HIVEP3: variants seen among roughly 807,000 people sequenced by gnomAD.
The protein encoded by HIVEP3 is transcription factor HIVEP3.
A neutral mutation model predicts 152.8 loss-of-function variants in HIVEP3; 49 were observed. The observed-to-expected ratio is 0.32, with a 90% CI of 0.26 to 0.41. The LOEUF is 0.41. HIVEP3 is among the 10% of genes least tolerant of loss of function. The pLI is 1.00. For missense variants in HIVEP3, 2,790 were observed against 3,103.3 expected (o/e 0.90, Z 2.40); for synonymous variants, 1,269 against 1,289.0 (o/e 0.98, Z 0.33).
chr1:41,916,604 T>C (rs879561909), intron 1 of HIVEP3, among the ~76,000 whole-genome samples: 13 of 152,154 alleles, frequency 8.5e-5, no homozygotes, highest in Non-Finnish European at 1.9e-4. Flanking sequence ...CCACAATCTT[T>C]AAATGCAACT....
chr1:41,901,793 A>G (rs892553347), intron 1 of HIVEP3, among the ~76,000 whole-genome samples: 2 of 152,128 alleles, frequency 1.3e-5, no homozygotes, highest in African/African-American at 4.8e-5. Context: ...CTCACACCCC[A>G]CTTGCTTAGC....
intron 1 of HIVEP3, among the ~76,000 whole-genome samples, chr1:41,867,955 G>C (rs944212433): frequency 7.5e-6 from 1 of 132,796 alleles, no homozygotes. Context: ...AGCTCCCAGA[G>C]GCTTTCCATC....
At chr1:41,515,583 C>G (rs907125691) in intron 7 of HIVEP3, among the ~76,000 whole-genome samples, 1 of 152,188 alleles carries the variant, frequency 6.6e-6, no homozygotes, top group Non-Finnish European at 1.5e-5. Context: ...GCACAGATGA[C>G]CCAGTGAGAG....
chr1:41,693,712 C>T (rs1050977310), intron 2 of HIVEP3, among the ~76,000 whole-genome samples: 14 of 152,192 alleles, frequency 9.2e-5, no homozygotes, highest in Admixed American at 8.5e-4. Context: ...AGGAGGCATT[C>T]GTCATTCCGG....
At chr1:41,999,488 A>G (rs1645414789) in intron 1 of HIVEP3, among the ~76,000 whole-genome samples, 1 of 152,160 alleles carries the variant, frequency 6.6e-6, no homozygotes, top group Non-Finnish European at 1.5e-5. Context: ...GCTCACATCA[A>G]TGGGCATTCA....
Position 41,507,952 on chromosome 1 carries a change from A to G in HIVEP3, c.*2499T>C, listed in dbSNP as rs555300584. 2 of 151,498 alleles carry G rather than the reference A, an allele frequency of 1.3e-5. No homozygotes were observed. Among genetic ancestry groups the G allele is most frequent in the Non-Finnish European group, 2.9e-5 (2 of 67,898 alleles). The allele number at this position is 151,498 out of a possible 1,614,324, so 9.4% of individuals were successfully genotyped here. On this transcript the variant is annotated 3_prime_UTR_variant, in exon 9 of 9. Transcript: ENST00000372583. ...CATCATTTAGAAATAGTCTCCAGTG[A>G]CTCCTGGCCCCTGTGGCTTCTCTGC...
intron 1 of HIVEP3, among the ~76,000 whole-genome samples, chr1:41,837,617 C>G (rs539373874): frequency 1.2e-4 from 19 of 152,346 alleles, no homozygotes; most frequent in African/African-American, 4.6e-4. Context: ...AGAGCCACCA[C>G]GCCCGGCCTG....
At chr1:41,818,950 G>A (rs1435295050) in intron 1 of HIVEP3, among the ~76,000 whole-genome samples, 5 of 152,166 alleles carry the variant, frequency 3.3e-5, no homozygotes, top group Non-Finnish European at 7.3e-5. Flanking sequence ...CAGAGTGAAT[G>A]AATCCTTGTC....
At chr1:41,785,763 A>C (rs1385294805) in intron 1 of HIVEP3, among the ~76,000 whole-genome samples, 1 of 152,162 alleles carries the variant, frequency 6.6e-6, no homozygotes, top group African/African-American at 2.4e-5. Context: ...TTGGGAGACC[A>C]AGGTGGGTGG....
At chr1:41,844,660 A>T (rs1429040585) in intron 1 of HIVEP3, among the ~76,000 whole-genome samples, 1 of 152,224 alleles carries the variant, frequency 6.6e-6, no homozygotes, top group Non-Finnish European at 1.5e-5. Flanking sequence ...ACAAGTGCCA[A>T]GGTTGGTGTA....
chr1:41,996,265 G>A (rs1645395333), intron 1 of HIVEP3, among the ~76,000 whole-genome samples: 1 of 151,964 alleles, frequency 6.6e-6, no homozygotes, highest in South Asian at 2.1e-4. Context: ...GGTGTATGCT[G>A]TAGTCCTAGC....
intron 1 of HIVEP3, among the ~76,000 whole-genome samples, chr1:41,854,098 A>G (rs947826763): frequency 6.6e-6 from 1 of 152,126 alleles, no homozygotes; most frequent in African/African-American, 2.4e-5. Flanking sequence ...GGATGGAGGC[A>G]GATCGGCTTT....
intron 3 of HIVEP3, among the ~76,000 whole-genome samples, chr1:41,591,081 A>C (rs938162402): frequency 6.6e-6 from 1 of 152,166 alleles, no homozygotes; most frequent in African/African-American, 2.4e-5. Context: ...AATAATCATC[A>C]TTGCTATTGG....
At chr1:41,987,661 T>A (rs773594135) in intron 1 of HIVEP3, among the ~76,000 whole-genome samples, 1 of 152,126 alleles carries the variant, frequency 6.6e-6, no homozygotes, top group Non-Finnish European at 1.5e-5. Flanking sequence ...AGAACCCACA[T>A]TGGGGAAGTG....
In HIVEP3 at chr1:41,583,075, G is replaced by A. The variant is rs769259082; in HGVS notation, c.1723C>T (p.His575Tyr). 14 of 1,613,638 alleles carry A rather than the reference G, an allele frequency of 8.7e-6. No homozygotes were observed. The highest frequency in any genetic ancestry group is 4.5e-5 in the East Asian group (2 of 44,860). ...DHITDSEALS[H>Y]SSHVFTSHPR... ...TGGGAGGTAAACACGTGACTGCTGT[G>A]GCTCAGGGCTTCGGAGTCGGTGATA... Residue 575 changes from histidine (H) to tyrosine (Y), a missense_variant, in exon 4 of 9, where the codon CAC becomes TAC. By Grantham distance (83) the His-to-Tyr change is moderately conservative. Around this residue, in one of 9 missense-constraint regions of HIVEP3, gnomAD observed 339 missense variants for 327.0 expected, o/e 1.04. Transcript: ENST00000372583. This position sits in a 1 kb window ranked among gnomAD's most constrained non-coding sequence, Gnocchi z 6.9.
chr1:41,944,758 G>A (rs760239152), intron 1 of HIVEP3, among the ~76,000 whole-genome samples: 1 of 152,172 alleles, frequency 6.6e-6, no homozygotes, highest in Non-Finnish European at 1.5e-5. Flanking sequence ...AAAGGAAAAA[G>A]CATTAGGACC....
At chr1:41,830,056 CTT>C (rs1056567526) in intron 1 of HIVEP3, among the ~76,000 whole-genome samples, 2 of 152,204 alleles carry the variant, frequency 1.3e-5, no homozygotes, top group African/African-American at 4.8e-5. Context: ...GTGTGATGCA[CTT>C]CATGTCAAGG....
At chr1:41,609,449 CTG>C (rs1205971165) in intron 3 of HIVEP3, among the ~76,000 whole-genome samples, 1 of 152,248 alleles carries the variant, frequency 6.6e-6, no homozygotes, top group African/African-American at 2.4e-5. Context: ...ACCTGGCAGG[CTG>C]TGTTTGCCTT....
At chr1:41,929,275 T>A (rs1570818888) in intron 1 of HIVEP3, among the ~76,000 whole-genome samples, 1 of 152,216 alleles carries the variant, frequency 6.6e-6, no homozygotes, top group African/African-American at 2.4e-5. Context: ...AACAGACTCA[T>A]GGATAGTTAT....
Sources: gnomAD v4.1 joint callset for allele counts (sites outside exome capture counted in the v4.1 genomes callset) on GRCh38, gnomAD v4.1.1 for gene constraint, gnomAD v4.1.1 regional missense constraint, Gnocchi (gnomAD v3.1) non-coding constraint, MANE v1.5 for transcripts, NCBI Gene and HGNC (gene_info 2026-07-23, HGNC 2026-07-21) for gene names.